ABTB3: variants seen among roughly 807,000 people sequenced by gnomAD.
The protein encoded by ABTB3 is ankyrin repeat- and BTB/POZ domain-containing protein 3.
At chr12:107,596,834 A>C in the ABTB3 span, among the ~76,000 whole-genome samples, 1 of 152,128 alleles carries the variant, frequency 6.6e-6, no homozygotes, top group African/African-American at 2.4e-5. Flanking sequence ...CCTCACAATA[A>C]GAACAGAGTG....
chr12:107,645,710 G>A, the ABTB3 span, among the ~76,000 whole-genome samples: 1 of 152,322 alleles, frequency 6.6e-6, no homozygotes, highest in Admixed American at 6.5e-5. Context: ...AACTTGGCTC[G>A]TAGTAGGCGC....
the ABTB3 span, among the ~76,000 whole-genome samples, chr12:107,388,810 G>C: frequency 5.3e-5 from 8 of 152,360 alleles, no homozygotes; most frequent in Non-Finnish European, 7.3e-5. Context: ...TTACACGTAG[G>C]AAATGCTCAA....
chr12:107,599,648 A>G, the ABTB3 span, among the ~76,000 whole-genome samples: 43 of 152,294 alleles, frequency 2.8e-4, no homozygotes, highest in East Asian at 6.8e-3. Flanking sequence ...GTAGCCAAAC[A>G]GCTCACTTAA....
the ABTB3 span, among the ~76,000 whole-genome samples, chr12:107,578,833 A>G: frequency 9.2e-5 from 14 of 152,304 alleles, no homozygotes; most frequent in East Asian, 2.5e-3. Flanking sequence ...TGCCCCACAG[A>G]TAGGTCCACA....
the ABTB3 span, among the ~76,000 whole-genome samples, chr12:107,582,940 A>G: frequency 6.6e-6 from 1 of 152,192 alleles, no homozygotes; most frequent in African/African-American, 2.4e-5. Context: ...TGTTTTCTTA[A>G]TGCTAACTGA....
the ABTB3 span, among the ~76,000 whole-genome samples, chr12:107,327,440 C>G: frequency 6.6e-6 from 1 of 152,102 alleles, no homozygotes; most frequent in Non-Finnish European, 1.5e-5. Flanking sequence ...CTGTTTTTAC[C>G]TCTCCACTAT....
the ABTB3 span, among the ~76,000 whole-genome samples, chr12:107,386,476 C>T: frequency 9.2e-5 from 14 of 152,288 alleles, no homozygotes; most frequent in African/African-American, 2.6e-4. Context: ...AATGAGATTA[C>T]GTAGATAAAA....
At chr12:107,458,739 A>T in the ABTB3 span, among the ~76,000 whole-genome samples, 2 of 152,164 alleles carry the variant, frequency 1.3e-5, no homozygotes, top group Non-Finnish European at 2.9e-5. Flanking sequence ...CAACAGGCTG[A>T]GTTCCTCTAG....
At chr12:107,632,119 G>A in the ABTB3 span, among the ~76,000 whole-genome samples, 5 of 152,208 alleles carry the variant, frequency 3.3e-5, no homozygotes, top group East Asian at 9.6e-4. Context: ...CAGAGGAGGG[G>A]TCTTGCCTTG....
At chr12:107,382,490 A>G in the ABTB3 span, among the ~76,000 whole-genome samples, 1 of 152,020 alleles carries the variant, frequency 6.6e-6, no homozygotes, top group Non-Finnish European at 1.5e-5. Flanking sequence ...AATGCTTGTG[A>G]TTTTTGCACA....
the ABTB3 span, among the ~76,000 whole-genome samples, chr12:107,321,657 A>G: frequency 6.6e-6 from 1 of 151,916 alleles, no homozygotes; most frequent in Admixed American, 6.6e-5. Context: ...TAAGATGGAA[A>G]CATCTGGGGA....
chr12:107,447,015 C>T, the ABTB3 span, among the ~76,000 whole-genome samples: 3,436 of 152,284 alleles, frequency 0.023, 125 homozygotes, highest in African/African-American at 0.075. Flanking sequence ...GATCTCATAG[C>T]CCCTCTCAAT....
the ABTB3 span, among the ~76,000 whole-genome samples, chr12:107,462,136 C>T: frequency 6.6e-6 from 1 of 152,176 alleles, no homozygotes; most frequent in African/African-American, 2.4e-5. Flanking sequence ...TTTTGCACAT[C>T]CTGGAAATCT....
the ABTB3 span, among the ~76,000 whole-genome samples, chr12:107,439,346 C>T: frequency 2.0e-5 from 3 of 152,222 alleles, no homozygotes; most frequent in Admixed American, 2.0e-4. Context: ...CAGCTCCTCA[C>T]TTCTTGACTC....
chr12:107,519,524 G>T, the ABTB3 span, among the ~76,000 whole-genome samples: 2 of 152,084 alleles, frequency 1.3e-5, no homozygotes, highest in South Asian at 4.2e-4. Flanking sequence ...CGCCATGTTG[G>T]CCAGGCTGGT....
At chr12:107,490,198 C>T in the ABTB3 span, among the ~76,000 whole-genome samples, 6 of 152,026 alleles carry the variant, frequency 3.9e-5, no homozygotes, top group African/African-American at 9.7e-5. Flanking sequence ...TCCACTCCAC[C>T]GCCCAGGTTC....
the ABTB3 span, among the ~76,000 whole-genome samples, chr12:107,481,092 C>A: frequency 6.6e-6 from 1 of 152,152 alleles, no homozygotes; most frequent in Non-Finnish European, 1.5e-5. Context: ...GTTGTCACAA[C>A]TGGGGACAGG....
the ABTB3 span, among the ~76,000 whole-genome samples, chr12:107,353,817 G>C: frequency 6.6e-6 from 1 of 152,158 alleles, no homozygotes; most frequent in Non-Finnish European, 1.5e-5. Flanking sequence ...GATCTAGGCT[G>C]TGCATTCCCT....
the ABTB3 span, among the ~76,000 whole-genome samples, chr12:107,654,786 A>G: frequency 6.6e-6 from 1 of 151,044 alleles, no homozygotes; most frequent in East Asian, 1.9e-4. Flanking sequence ...CTATCAGTAA[A>G]TCAAAAAGTA....
Sources: gnomAD v4.1 joint callset for allele counts (sites outside exome capture counted in the v4.1 genomes callset) on GRCh38, gnomAD v4.1.1 for gene constraint, MANE v1.5 for transcripts, NCBI Gene and HGNC (gene_info 2026-07-23, HGNC 2026-07-21) for gene names.